ARHGAP25: variants seen among roughly 807,000 people sequenced by gnomAD.
ARHGAP25 encodes the protein rho GTPase-activating protein 25.
ARHGAP25 carries 34 observed loss-of-function variants against 71.0 expected under a neutral mutation model. That is an observed-to-expected ratio of 0.48 (90% CI 0.36 to 0.64). The LOEUF is 0.64. Among genes scored for constraint, ARHGAP25 ranks in the 30% least tolerant of loss-of-function variants. ARHGAP25 has a pLI of 0.00. For synonymous variants in ARHGAP25, 282 were observed against 296.5 expected (o/e 0.95, Z 0.50); for missense variants, 706 against 805.1 (o/e 0.88, Z 1.49).
At position 68,767,266 on chromosome 2, in the gene ARHGAP25, G is replaced by A. The variant is rs1356700950; in HGVS notation, c.62-7955G>A. Among the ~76,000 whole-genome samples, 1 of 151,984 alleles carries A rather than the reference G, an allele frequency of 6.6e-6. No homozygotes were observed. Among genetic ancestry groups the A allele is most frequent in the Admixed American group, 6.6e-5 (1 of 15,244 alleles). Reference sequence around the variant, plus strand: ...AATGATGGGTGCTTTTCAATGGGGGGGTGGCGTTTGCTTTGAAGACAGAAA... The same window carrying A: ...AATGATGGGTGCTTTTCAATGGGGGAGTGGCGTTTGCTTTGAAGACAGAAA... On this transcript the variant is annotated intron_variant, in intron 1 of 10. Transcript: ENST00000409202. This position sits in a 1 kb window ranked among gnomAD's most constrained non-coding sequence, Gnocchi z 4.6.
chr2:68,733,056 G>A (rs768807547), upstream of ARHGAP25, among the ~76,000 whole-genome samples: 1 of 152,186 alleles, frequency 6.6e-6, no homozygotes, highest in Non-Finnish European at 1.5e-5. Flanking sequence ...TGTGAGTGTG[G>A]ATGGAAAAAG....
chr2:68,799,878 G>A (rs775798655), intron 4 of ARHGAP25, among the ~76,000 whole-genome samples: 15 of 152,170 alleles, frequency 9.9e-5, no homozygotes, highest in Non-Finnish European at 1.9e-4. Context: ...TCCAGTCTGG[G>A]GAGGAGGGAA....
chr2:68,814,321 C>G (rs149418572), intron 6 of ARHGAP25, among the ~76,000 whole-genome samples: 1 of 152,118 alleles, frequency 6.6e-6, no homozygotes, highest in Non-Finnish European at 1.5e-5. Context: ...ATATCTGCAC[C>G]GTTCAATATG....
upstream of ARHGAP25, among the ~76,000 whole-genome samples, chr2:68,730,423 C>T (rs921670016): frequency 2.6e-5 from 4 of 152,088 alleles, no homozygotes; most frequent in Non-Finnish European, 5.9e-5. Flanking sequence ...GCAGAAGGAT[C>T]ACTTGAACCC....
At chr2:68,727,836 C>T (rs552722950) in intron 2 of ARHGAP25, among the ~76,000 whole-genome samples, 10 of 152,248 alleles carry the variant, frequency 6.6e-5, no homozygotes, top group African/African-American at 2.2e-4. Context: ...CTGGAGAGCT[C>T]GATGGAGAAG....
chr2:68,744,953 C>A (rs1001034777), intron 1 of ARHGAP25, among the ~76,000 whole-genome samples: 1 of 152,124 alleles, frequency 6.6e-6, no homozygotes, highest in Non-Finnish European at 1.5e-5. Context: ...TGTGTCTTCA[C>A]AGATAAAAAA....
upstream of ARHGAP25, among the ~76,000 whole-genome samples, chr2:68,730,402 T>C (rs140055359): frequency 7.9e-5 from 12 of 152,232 alleles, no homozygotes; most frequent in East Asian, 2.3e-3. Context: ...CTCAGCACTT[T>C]GGAGGCCAAG....
chr2:68,798,421 A>G (rs1449316359), intron 4 of ARHGAP25, among the ~76,000 whole-genome samples: 1 of 151,824 alleles, frequency 6.6e-6, no homozygotes, highest in Non-Finnish European at 1.5e-5. Context: ...TTATTTATTC[A>G]TTTGGTCAAC....
At chr2:68,823,802 A>G (rs1302044997) in intron 10 of ARHGAP25, among the ~76,000 whole-genome samples, 1 of 152,220 alleles carries the variant, frequency 6.6e-6, no homozygotes, top group East Asian at 1.9e-4. Context: ...TTAGGCAGCT[A>G]TTGCCTCTGT....
At chr2:68,756,519 C>G (rs72895938) in intron 1 of ARHGAP25, among the ~76,000 whole-genome samples, 4,074 of 152,266 alleles carry the variant, frequency 0.027, 198 homozygotes, top group African/African-American at 0.094. Context: ...CTAAGACATT[C>G]AAAAGCAACC....
In ARHGAP25 at chr2:68,767,222, T is replaced by A. The variant is rs78002014; in HGVS notation, c.62-7999T>A. Among the ~76,000 whole-genome samples the A allele has an allele frequency of 2.4e-3, 361 of 152,230 alleles. 7 individuals carry two copies. The East Asian group carries it at 0.056, about 24-fold the overall frequency. ...GGGGCAGTGCTTTTCATACTAAAGT[T>A]AAAAACGAAACTCAAAAGAATGATG... On this transcript the variant is annotated intron_variant, in intron 1 of 10. Transcript: ENST00000409202. This position sits in a 1 kb window ranked among gnomAD's most constrained non-coding sequence, Gnocchi z 4.6.
chr2:68,758,875 A>C (rs1397842035), intron 1 of ARHGAP25, among the ~76,000 whole-genome samples: 1 of 151,954 alleles, frequency 6.6e-6, no homozygotes, highest in Non-Finnish European at 1.5e-5. Context: ...GTCTCAATCG[A>C]TTTTAAAAGG....
intron 10 of ARHGAP25, among the ~76,000 whole-genome samples, chr2:68,824,288 A>G (rs7579103): frequency 0.59 from 89,112 of 152,018 alleles, 26,656 homozygotes; most frequent in East Asian, 0.93. Context: ...TGAATCCATC[A>G]GTTGGGGAAG....
chr2:68,818,875 A>G (rs1218829566), intron 8 of ARHGAP25, among the ~76,000 whole-genome samples: 1 of 152,242 alleles, frequency 6.6e-6, no homozygotes, highest in Non-Finnish European at 1.5e-5. Context: ...AAACTAATCC[A>G]GTGGACTATT....
chr2:68,808,288 G>A (rs999671761), intron 5 of ARHGAP25, among the ~76,000 whole-genome samples: 2 of 152,186 alleles, frequency 1.3e-5, no homozygotes, highest in African/African-American at 4.8e-5. Context: ...AATAAGATGG[G>A]CCTGAACTCT....
In ARHGAP25 at chr2:68,816,094, C is replaced by A. The variant is rs1176220280; in HGVS notation, c.808-195C>A. The A allele has an allele frequency of 2.3e-5, 15 of 656,842 alleles. No homozygotes were observed. The Admixed American group carries it at 3.1e-4, about 14-fold the overall frequency. 40.7% of individuals were successfully genotyped at this position (656,842 alleles called of 1,614,324 possible). A position where few individuals can be genotyped will look rare whatever the true frequency, so the allele number is the denominator to read the frequency against. ...AAGTATACATAACAAAAACTATGAC[C>A]CTTTTAAAAAAAATTCTGTGAGAAT... On this transcript the variant is annotated intron_variant, in intron 6 of 10. Coordinates refer to ENST00000409202, the MANE Select transcript of ARHGAP25 (RefSeq NM_001007231.3).
chr2:68,780,787 G>A (rs1024624266), intron 2 of ARHGAP25, among the ~76,000 whole-genome samples: 3 of 151,994 alleles, frequency 2.0e-5, no homozygotes, highest in African/African-American at 4.8e-5. Context: ...TTAGGCTCCT[G>A]AGTGGATCTT....
upstream of ARHGAP25, among the ~76,000 whole-genome samples, chr2:68,730,778 C>T (rs13393229): frequency 6.6e-6 from 1 of 152,012 alleles, no homozygotes; most frequent in Non-Finnish European, 1.5e-5. Flanking sequence ...GGCCATACAT[C>T]ATTTCTGATA....
chr2:68,730,651 G>GA (rs199845152), upstream of ARHGAP25, among the ~76,000 whole-genome samples: 501 of 117,378 alleles, frequency 4.3e-3, no homozygotes, highest in Middle Eastern at 0.013. Flanking sequence ...CCCTGTCTCA[G>GA]AAAAAAAAAA....
Sources: gnomAD v4.1 joint callset for allele counts (sites outside exome capture counted in the v4.1 genomes callset) on GRCh38, gnomAD v4.1.1 for gene constraint, Gnocchi (gnomAD v3.1) non-coding constraint, MANE v1.5 for transcripts, NCBI Gene and HGNC (gene_info 2026-07-23, HGNC 2026-07-21) for gene names.